CATSPER3: variants seen among roughly 807,000 people sequenced by gnomAD.
The protein encoded by CATSPER3 is cation channel sperm associated 3.
In CATSPER3, 23 loss-of-function variants were observed where a neutral mutation model predicts 36.6. The observed-to-expected ratio is 0.63, with a 90% CI of 0.45 to 0.89. The LOEUF is 0.89. Among genes scored for constraint, CATSPER3 ranks in the 40% least tolerant of loss-of-function variants. The pLI, the probability that CATSPER3 is intolerant of heterozygous loss-of-function variation, is 0.00. For missense variants in CATSPER3, 474 were observed against 503.9 expected (o/e 0.94, Z 0.57); for synonymous variants, 172 against 184.1 (o/e 0.93, Z 0.53).
Position 135,009,366 on chromosome 5 carries a change from T to C in CATSPER3, c.817-5T>C. On this transcript the variant is annotated splice_polypyrimidine_tract_variant and splice_region_variant and intron_variant, in intron 5 of 7. Transcript: ENST00000282611. Reference sequence around the variant, plus strand: ...GTAGTTGACCTCCATCGTCTGACTCTCTAGGACTCCATCAGAAAGTTTGAG... The same window carrying C: ...GTAGTTGACCTCCATCGTCTGACTCCCTAGGACTCCATCAGAAAGTTTGAG... The C allele has an allele frequency of 6.2e-7, 1 of 1,613,346 alleles. No homozygotes were observed. The highest frequency in any genetic ancestry group is 8.5e-7 in the Non-Finnish European group (1 of 1,179,690).
chr5:135,006,038 G>A (rs1029820193), intron 3 of CATSPER3, among the ~76,000 whole-genome samples: 18 of 152,128 alleles, frequency 1.2e-4, no homozygotes, highest in Admixed American at 1.0e-3. Context: ...AAAAGAATTT[G>A]GGAATTCAAA....
intron 2 of CATSPER3, chr5:134,995,745 ACTT>A: frequency 5.2e-6 from 1 of 193,126 alleles, no homozygotes; most frequent in Non-Finnish European, 1.1e-5. Context: ...CACAAAGAGT[ACTT>A]CTTGGTAAAA....
At chr5:134,968,759 GTTCAT>G (rs1457179301) in intron 1 of CATSPER3, 1 of 151,808 alleles carries the variant, frequency 6.6e-6, no homozygotes, top group Non-Finnish European at 1.5e-5. Flanking sequence ...ATGAGAATGT[GTTCAT>G]TTCATTTGTA....
intron 3 of CATSPER3, among the ~76,000 whole-genome samples, chr5:135,002,896 G>A (rs1160237917): frequency 3.3e-5 from 5 of 152,084 alleles, no homozygotes; most frequent in Admixed American, 1.3e-4. Flanking sequence ...TGATGGGTTC[G>A]AACATCCTCC....
chr5:134,977,764 A>G (rs1380174249), intron 2 of CATSPER3, among the ~76,000 whole-genome samples: 1 of 152,170 alleles, frequency 6.6e-6, no homozygotes, highest in Non-Finnish European at 1.5e-5. Context: ...AGTAATTTAT[A>G]AAGAAAAGAG....
intron 3 of CATSPER3, among the ~76,000 whole-genome samples, chr5:135,001,193 A>G (rs1752015221): frequency 6.6e-6 from 1 of 152,066 alleles, no homozygotes; most frequent in African/African-American, 2.4e-5. Context: ...GTCATTCAGG[A>G]GCAGGTTATG....
chr5:135,010,691 A>AGG (rs1752171084), intron 7 of CATSPER3, among the ~76,000 whole-genome samples, 161 bp downstream of exon 7: 1 of 152,078 alleles, frequency 6.6e-6, no homozygotes, highest in African/African-American at 2.4e-5. Context: ...ATATATACAC[A>AGG]GGGGCTGGGC....
intron 2 of CATSPER3, among the ~76,000 whole-genome samples, chr5:134,989,005 C>T (rs1006550886): frequency 2.1e-4 from 32 of 151,974 alleles, no homozygotes; most frequent in African/African-American, 7.7e-4. Flanking sequence ...GGCCTGAAAA[C>T]AACTTCTTCA....
At chr5:134,992,502 A>G (rs1751891411) in intron 2 of CATSPER3, among the ~76,000 whole-genome samples, 1 of 152,148 alleles carries the variant, frequency 6.6e-6, no homozygotes, top group Non-Finnish European at 1.5e-5. Flanking sequence ...AAGCGGGTGG[A>G]TCAGTTGAGA....
At chr5:134,995,586 T>C (rs1274845071) in intron 2 of CATSPER3, 1 of 158,850 alleles carries the variant, frequency 6.3e-6, no homozygotes, top group African/African-American at 2.4e-5. Context: ...GGACGTTTTC[T>C]GCCTTACTCA....
chr5:135,008,975 C>T lies in CATSPER3; in HGVS notation c.810C>T (p.His270=). The T allele has an allele frequency of 1.2e-6, 2 of 1,614,026 alleles. No homozygotes were observed. Among genetic ancestry groups the T allele is most frequent in the Non-Finnish European group, 8.5e-7 (1 of 1,179,976 alleles). Residue 270 remains histidine (H), a synonymous_variant, in exon 5 of 8, where the codon CAC becomes CAT. Coordinates refer to ENST00000282611, the MANE Select transcript of CATSPER3 (RefSeq NM_178019.3). The part of the protein sequence containing the change: ...LNMFVGVMIM[H]TEDSIRKFER... ...TGTTCGTGGGTGTGATGATCATGCA[C>T]ACAGAGGTGAGGCCACACCTGTGAG...
chr5:134,969,902 G>A, intron 1 of CATSPER3, 37 bp from the exon 2 acceptor site: 1 of 1,612,366 alleles, frequency 6.2e-7, no homozygotes, highest in Admixed American at 1.7e-5. Flanking sequence ...TAGCTCTATT[G>A]TGCTGTAACC....
intron 2 of CATSPER3, among the ~76,000 whole-genome samples, chr5:134,991,009 C>T (rs1347794760): frequency 6.6e-6 from 1 of 151,964 alleles, no homozygotes; most frequent in Non-Finnish European, 1.5e-5. Context: ...TATCAATTAA[C>T]AATCTGAAAA....
Position 134,968,012 on chromosome 5 carries a change from G to A in CATSPER3, c.21G>A (p.Gln7=). Residue 7 remains glutamine, a synonymous_variant, in exon 1 of 8, where the codon CAG becomes CAA. Transcript: ENST00000282611. MSQHRH[Q]RHSRVISSSP... ...GGAAAATGTCTCAACACCGTCACCAGCGCCACTCGAGAGTCATTTCTAGTT... is the reference window on the plus strand; with the variant it reads ...GGAAAATGTCTCAACACCGTCACCAACGCCACTCGAGAGTCATTTCTAGTT... The A allele has an allele frequency of 6.2e-7, 1 of 1,614,064 alleles. No homozygotes were observed. Among genetic ancestry groups the A allele is most frequent in the African/African-American group, 1.3e-5 (1 of 75,042 alleles).
intron 2 of CATSPER3, among the ~76,000 whole-genome samples, chr5:134,987,000 G>T (rs1751819630): frequency 6.6e-6 from 1 of 150,820 alleles, no homozygotes. Context: ...CAGAAGGAAG[G>T]AAATAACAAA....
In CATSPER3 at chr5:135,010,419, A is replaced by T. The variant is rs1437388117; in HGVS notation, c.983A>T (p.Lys328Met). 3.1e-6 allele frequency: 5 copies of T among 1,613,924 alleles called. No individual in the cohort carries two copies. The highest frequency in any genetic ancestry group is 4.2e-6 in the Non-Finnish European group (5 of 1,179,894). ...TSFSELVENF[K>M]KTLSHTDPMV... ...TTCAGTGAGCTGGTGGAGAACTTTA[A>T]GAAGACCTTGAGCCACACTGACCCA... Residue 328 changes from lysine (K) to methionine (M), a missense_variant, in exon 7 of 8, where the codon AAG (lysine) becomes ATG (methionine). Lys to Met is a moderately conservative substitution (Grantham distance 95). Coordinates refer to ENST00000282611, the MANE Select transcript of CATSPER3 (RefSeq NM_178019.3).
chr5:134,984,215 A>G (rs1443689176), intron 2 of CATSPER3, among the ~76,000 whole-genome samples: 3 of 152,228 alleles, frequency 2.0e-5, no homozygotes, highest in Non-Finnish European at 2.9e-5. Flanking sequence ...TCTTCTGGAC[A>G]TTGGCCTAGG....
intron 3 of CATSPER3, among the ~76,000 whole-genome samples, chr5:135,000,807 CTCTTT>C (rs1325880117): frequency 6.6e-6 from 1 of 152,072 alleles, no homozygotes; most frequent in African/African-American, 2.4e-5. Flanking sequence ...TGATTCTTCT[CTCTTT>C]TCTTCTTTAT....
intron 2 of CATSPER3, among the ~76,000 whole-genome samples, chr5:134,990,379 A>G (rs1254238439): frequency 6.6e-6 from 1 of 152,182 alleles, no homozygotes; most frequent in Non-Finnish European, 1.5e-5. Context: ...TAAGAGACAA[A>G]TGGTTGCATT....
Sources: allele counts gnomAD v4.1 joint callset (sites outside exome capture counted in the v4.1 genomes callset), GRCh38; gene constraint gnomAD v4.1.1; transcripts MANE v1.5; gene names NCBI Gene and HGNC (gene_info 2026-07-23, HGNC 2026-07-21).